SLC25A29: variants seen among roughly 807,000 people sequenced by gnomAD.
SLC25A29 encodes the protein mitochondrial basic amino acids transporter.
Under a neutral mutation model 10.0 loss-of-function variants are expected in SLC25A29, and 13 were observed. The ratio of observed to expected loss-of-function variants is 1.30; its 90% CI spans 0.85 to 2.07. SLC25A29 has a LOEUF of 2.07. SLC25A29 is among the 30% of genes most tolerant of loss of function. The probability of loss-of-function intolerance (pLI) is 0.00; values close to 1 mark genes in which losing one functional copy is unlikely to be tolerated. For synonymous variants in SLC25A29, 244 were observed against 221.1 expected, an observed-to-expected ratio of 1.10 and a Z score of -0.92; for missense variants, 475 against 447.6, an observed-to-expected ratio of 1.06 and a Z score of -0.55.
intron 3 of SLC25A29, 40 bp from the exon 4 acceptor site, chr14:100,293,072 C>T (rs1191538493): frequency 3.6e-5 from 54 of 1,483,562 alleles, no homozygotes; most frequent in Non-Finnish European, 4.7e-5. Context: ...GCAACGCGCA[C>T]CTCCCGGGCC....
At position 100,292,186 on chromosome 14, in the gene SLC25A29, G is replaced by T; in HGVS notation, c.*97C>A. On this transcript the variant is annotated 3_prime_UTR_variant, in exon 4 of 4. Coordinates refer to ENST00000359232, the MANE Select transcript of SLC25A29 (RefSeq NM_001039355.3). The stretch of plus-strand genomic sequence containing the variant: ...CCACGTCTGATAGACTCCACAGCTC[G>T]CAGCATCCCAGCAGGAAGCAGGGCA... The T allele has an allele frequency of 1.4e-6, 2 of 1,461,970 alleles. No individual in the cohort carries two copies. The highest frequency in any genetic ancestry group is 1.8e-6 in the Non-Finnish European group (2 of 1,085,370). The allele number at this position is 1,461,970 out of a possible 1,614,324, so 90.6% of individuals were successfully genotyped here.
At chr14:100,299,301 T>C in intron 1 of SLC25A29, 8 of 1,029,874 alleles carry the variant, frequency 7.8e-6, no homozygotes, top group Non-Finnish European at 9.3e-6. Context: ...CTCCCCAGAT[T>C]TGAATTTTCC....
intron 2 of SLC25A29, 179 bp from the exon 3 acceptor site, chr14:100,293,556 G>A: frequency 1.7e-6 from 1 of 601,654 alleles, no homozygotes; most frequent in Non-Finnish European, 3.0e-6. Flanking sequence ...TCAGGATGGG[G>A]TGCCAGTAGG....
Position 100,298,704 on chromosome 14 carries a change from G to C in SLC25A29, c.78+138C>G, listed in dbSNP as rs938241102. On this transcript the variant is annotated intron_variant, in intron 2 of 3. Transcript: ENST00000359232. ...GGGAGATGCCAGGACAAAGCAGTGA[G>C]GAAGGTTCAACCCGGCCTGGTGTAA... 7.5e-6 allele frequency: 8 copies of C among 1,071,006 alleles called. No homozygotes were observed. The Admixed American group carries it at 1.4e-4, about 19-fold the overall frequency. The allele number at this position is 1,071,006 out of a possible 1,614,324, so 66.3% of individuals were successfully genotyped here.
At chr14:100,296,101 G>A in intron 2 of SLC25A29, 4 of 1,106,278 alleles carry the variant, frequency 3.6e-6, no homozygotes, top group African/African-American at 1.6e-5. Flanking sequence ...GGGTACAGCT[G>A]CAATTATATT....
intron 3 of SLC25A29, 94 bp from the exon 4 acceptor site, chr14:100,293,126 C>G (rs1347797813): frequency 6.9e-7 from 1 of 1,452,800 alleles, no homozygotes; most frequent in Admixed American, 2.4e-5. Flanking sequence ...CCAGCCCACC[C>G]CAGGGGCTCC....
At position 100,293,337 on chromosome 14, in the gene SLC25A29, C is replaced by T. The variant is rs751275108; in HGVS notation, c.119G>A (p.Arg40His). The T allele has an allele frequency of 6.2e-7, 1 of 1,613,252 alleles. No homozygotes were observed. The highest frequency in any genetic ancestry group is 1.1e-5 in the South Asian group (1 of 91,062). The change falls in exon 3 of 4, where the codon CGC becomes CAC. Residue 40 changes from arginine (R) to histidine (H), a missense_variant. Physicochemically the swap from Arg to His is conservative, Grantham distance 29. Coordinates refer to ENST00000359232, the MANE Select transcript of SLC25A29 (RefSeq NM_001039355.3). ...GGACTTGAAGCAGTGCAACGTCCCG[C>T]GGTACTGAGGCTTCTCCACGCTCTG... The part of the protein sequence containing the change: ...QVQSVEKPQY[R>H]GTLHCFKSII...
At chr14:100,303,420 C>T (rs992975787) in intron 1 of SLC25A29, among the ~76,000 whole-genome samples, 1 of 152,234 alleles carries the variant, frequency 6.6e-6, no homozygotes, top group Non-Finnish European at 1.5e-5. Context: ...AGCAGCAAGG[C>T]GTGGGAGGGA....
intron 2 of SLC25A29, chr14:100,298,587 CTGGGTGGGAG>C (rs2139746901): frequency 1.7e-6 from 1 of 575,452 alleles, no homozygotes; most frequent in Non-Finnish European, 3.1e-6. Flanking sequence ...TGCCCTTGCT[CTGGGTGGGAG>C]AAAACCTCAG....
chr14:100,282,390 C>T, the SLC25A29 span: 1 of 152,162 alleles, frequency 6.6e-6, no homozygotes, highest in African/African-American at 2.4e-5. Flanking sequence ...CGCACAATGT[C>T]CGCACACATC....
intron 1 of SLC25A29, among the ~76,000 whole-genome samples, chr14:100,303,170 A>G (rs1256768273): frequency 6.6e-6 from 1 of 152,060 alleles, no homozygotes; most frequent in African/African-American, 2.4e-5. Flanking sequence ...CAGCTTTTTA[A>G]TTTTCTAAAG....
At chr14:100,296,915 A>G (rs763273385) in intron 2 of SLC25A29, among the ~76,000 whole-genome samples, 11 of 151,976 alleles carry the variant, frequency 7.2e-5, no homozygotes, top group Non-Finnish European at 1.2e-4. Context: ...TGCACTTTCT[A>G]TATGTGCTGG....
At chr14:100,285,211 C>G in the SLC25A29 span, among the ~76,000 whole-genome samples, 1 of 152,064 alleles carries the variant, frequency 6.6e-6, no homozygotes, top group Admixed American at 6.5e-5. Flanking sequence ...CCCTGCCCGC[C>G]TGGCCTTTGG....
chr14:100,304,671 G>A (rs1892794273), intron 1 of SLC25A29, among the ~76,000 whole-genome samples: 1 of 152,160 alleles, frequency 6.6e-6, no homozygotes, highest in Non-Finnish European at 1.5e-5. Flanking sequence ...TCTCCCAGGT[G>A]GGCCTATGAG....
chr14:100,299,444 G>A, intron 1 of SLC25A29: 2 of 989,970 alleles, frequency 2.0e-6, no homozygotes, highest in Non-Finnish European at 2.4e-6. Context: ...GGCCCCTTGG[G>A]AGTGACGACC....
chr14:100,295,922 T>C (rs1403184759), intron 2 of SLC25A29: 1 of 1,289,790 alleles, frequency 7.8e-7, no homozygotes, highest in South Asian at 1.2e-5. Context: ...GGCCGTGTGC[T>C]TCAGGACGGT....
chr14:100,301,693 TAG>T (rs1892558998), intron 1 of SLC25A29, among the ~76,000 whole-genome samples: 1 of 150,952 alleles, frequency 6.6e-6, no homozygotes, highest in African/African-American at 2.4e-5. Flanking sequence ...GCATATTTAG[TAG>T]AGACGGGGTT....
At chr14:100,288,825 G>T (rs944417399), downstream of SLC25A29, among the ~76,000 whole-genome samples, 5 of 152,156 alleles carry the variant, frequency 3.3e-5, no homozygotes, top group Non-Finnish European at 7.3e-5. Flanking sequence ...CACCAATACA[G>T]AGCCCTGTTG....
chr14:100,284,146 T>C, the SLC25A29 span, among the ~76,000 whole-genome samples: 1 of 152,270 alleles, frequency 6.6e-6, no homozygotes, highest in South Asian at 2.1e-4. Context: ...AGGAACAGGC[T>C]CAGATTTATT....
Sources: gnomAD v4.1 joint callset for allele counts (sites outside exome capture counted in the v4.1 genomes callset) on GRCh38, gnomAD v4.1.1 for gene constraint, MANE v1.5 for transcripts, NCBI Gene and HGNC (gene_info 2026-07-23, HGNC 2026-07-21) for gene names.